DDX10: variants seen among roughly 807,000 people sequenced by gnomAD.
DDX10 encodes probable ATP-dependent RNA helicase DDX10.
DDX10 carries 74 observed loss-of-function variants against 104.3 expected under a neutral mutation model. The ratio of observed to expected loss-of-function variants is 0.71; its 90% CI spans 0.59 to 0.86. The LOEUF is 0.86. DDX10 is among the 40% of genes least tolerant of loss of function. DDX10 has a pLI of 0.00. For missense variants in DDX10, 952 were observed against 1,040.0 expected (o/e 0.92, Z 1.16); for synonymous variants, 351 against 353.4 (o/e 0.99, Z 0.08).
rs140298505 is a variant in DDX10 at position 108,727,902 on chromosome 11, C to T, written c.1965+4440C>T. 9.9e-3 allele frequency: 1,743 copies of T among 175,672 alleles called. 35 individuals are homozygous for T. The highest frequency in any genetic ancestry group is 0.039 in the African/African-American group (1,646 of 41,820). 10.9% of individuals were successfully genotyped at this position (175,672 alleles called of 1,614,324 possible). A position where few individuals can be genotyped will look rare whatever the true frequency, so the allele number is the denominator to read the frequency against. The stretch of plus-strand genomic sequence containing the variant: ...CAACTATTTCATCCTTCAACTTTAG[C>T]GTTCCTATTTGAACAACTACATTTT... On this transcript the variant is annotated intron_variant, in intron 13 of 17. Transcript: ENST00000322536.
At chr11:108,931,354 A>C (rs903512068) in intron 17 of DDX10, among the ~76,000 whole-genome samples, 1 of 152,150 alleles carries the variant, frequency 6.6e-6, no homozygotes, top group African/African-American at 2.4e-5. Flanking sequence ...CAAACATAAA[A>C]ATTGGCACCC....
chr11:108,707,207 C>T (rs2094277332), intron 10 of DDX10, among the ~76,000 whole-genome samples: 1 of 152,144 alleles, frequency 6.6e-6, no homozygotes, highest in Non-Finnish European at 1.5e-5. Flanking sequence ...TGCATACCTA[C>T]CATTTTAATA....
At chr11:108,804,347 A>T (rs1457574162) in intron 13 of DDX10, among the ~76,000 whole-genome samples, 1 of 151,976 alleles carries the variant, frequency 6.6e-6, no homozygotes, top group Non-Finnish European at 1.5e-5. Flanking sequence ...AACAATAAAA[A>T]AAATTTGCCA....
intron 13 of DDX10, among the ~76,000 whole-genome samples, chr11:108,777,256 C>T (rs2094371058): frequency 6.6e-6 from 1 of 152,080 alleles, no homozygotes; most frequent in South Asian, 2.1e-4. Flanking sequence ...AATTATCCTG[C>T]CATTACTGGA....
At chr11:108,672,583 T>C (rs1459456090) in intron 1 of DDX10, among the ~76,000 whole-genome samples, 1 of 152,226 alleles carries the variant, frequency 6.6e-6, no homozygotes, top group East Asian at 1.9e-4. Context: ...TTAAGAATCA[T>C]AGGAAAGATG....
In DDX10 at chr11:108,849,227, A is replaced by G. The variant is rs904106200; in HGVS notation, c.2248-2926A>G. On this transcript the variant is annotated intron_variant, in intron 15 of 17. Transcript: ENST00000322536. ...TTCTCTTGCTTACTTTTGTTAAGCC[A>G]GTTTTCTTTTTTGAAAAATAGGTTA... is the stretch of plus-strand genomic sequence containing the variant. 3.9e-5 allele frequency among the ~76,000 whole-genome samples: 6 copies of G among 152,130 alleles called. 1 individual carries two copies. Among genetic ancestry groups the G allele is most frequent in the Admixed American group, 2.6e-4 (4 of 15,264 alleles).
At chr11:108,782,848 G>A (rs138238241) in intron 13 of DDX10, among the ~76,000 whole-genome samples, 2 of 152,082 alleles carry the variant, frequency 1.3e-5, no homozygotes, top group Admixed American at 1.3e-4. Context: ...ACCAAATCAC[G>A]AAAGAGTAGT....
chr11:108,855,571 T>C (rs1862855931), intron 16 of DDX10, among the ~76,000 whole-genome samples: 1 of 152,202 alleles, frequency 6.6e-6, no homozygotes, highest in Non-Finnish European at 1.5e-5. Flanking sequence ...GCGATTCTCC[T>C]GCCTCAGCCT....
At chr11:108,671,886 C>G (rs566386654) in intron 1 of DDX10, among the ~76,000 whole-genome samples, 2 of 151,706 alleles carry the variant, frequency 1.3e-5, no homozygotes, top group Non-Finnish European at 2.9e-5. Flanking sequence ...GATGAAACCC[C>G]GTCTCTACTA....
intron 15 of DDX10, among the ~76,000 whole-genome samples, chr11:108,851,109 C>G (rs898526599): frequency 6.6e-6 from 1 of 151,948 alleles, no homozygotes. Context: ...TGATATATAG[C>G]TATAGTCTTA....
Position 108,684,515 on chromosome 11 carries a change from A to G in DDX10, c.849-4421A>G, listed in dbSNP as rs1430396822. Among the ~76,000 whole-genome samples the G allele has an allele frequency of 6.1e-3, 908 of 149,174 alleles. 19 individuals carry two copies. Among genetic ancestry groups the G allele is most frequent in the Admixed American group, 0.037 (559 of 14,916 alleles). ...GGTTTCCAATTTCATCCATGTCCCT[A>G]CAAAGGACATGAACTCATCAGTTTT... On this transcript the variant is annotated intron_variant, in intron 6 of 17. Coordinates refer to ENST00000322536, the MANE Select transcript of DDX10 (RefSeq NM_004398.4).
chr11:108,803,053 G>A (rs1367008308), intron 13 of DDX10, among the ~76,000 whole-genome samples: 1 of 152,186 alleles, frequency 6.6e-6, no homozygotes, highest in Non-Finnish European at 1.5e-5. Flanking sequence ...TATACTCTAC[G>A]ATTACACATA....
intron 13 of DDX10, among the ~76,000 whole-genome samples, chr11:108,821,869 G>GT (rs1341399947): frequency 2.0e-5 from 3 of 152,162 alleles, no homozygotes; most frequent in Non-Finnish European, 2.9e-5. Context: ...AAAATATAAA[G>GT]TAGACATTGC....
chr11:108,893,227 G>A (rs1863398776), intron 16 of DDX10, among the ~76,000 whole-genome samples: 1 of 152,054 alleles, frequency 6.6e-6, no homozygotes. Context: ...TTGATTTGAA[G>A]ATTATTCATA....
At chr11:108,755,308 T>C (rs545518111) in intron 13 of DDX10, among the ~76,000 whole-genome samples, 48 of 152,210 alleles carry the variant, frequency 3.2e-4, no homozygotes, top group Admixed American at 3.0e-3. Context: ...TTTTTATAGC[T>C]GCATGATTTT....
At chr11:108,729,160 A>T (rs2094308903) in intron 13 of DDX10, among the ~76,000 whole-genome samples, 1 of 152,108 alleles carries the variant, frequency 6.6e-6, no homozygotes. Flanking sequence ...CCCCCAAATG[A>T]TTACCGAGCT....
chr11:108,747,648 C>A (rs1565266282), intron 13 of DDX10, among the ~76,000 whole-genome samples: 1 of 151,992 alleles, frequency 6.6e-6, no homozygotes, highest in African/African-American at 2.4e-5. Context: ...TGGCCTAATC[C>A]CCATTGTTTT....
intron 16 of DDX10, among the ~76,000 whole-genome samples, chr11:108,876,333 A>G (rs1863153574): frequency 6.6e-6 from 1 of 152,182 alleles, no homozygotes; most frequent in Non-Finnish European, 1.5e-5. Flanking sequence ...AGAAGGTCAG[A>G]CAGCTTAAGT....
chr11:108,825,618 C>T (rs921283109), intron 13 of DDX10, among the ~76,000 whole-genome samples: 3 of 152,188 alleles, frequency 2.0e-5, no homozygotes, highest in Non-Finnish European at 4.4e-5. Context: ...CATCCATTCT[C>T]ATTCATGTTC....
Sources: allele counts gnomAD v4.1 joint callset (sites outside exome capture counted in the v4.1 genomes callset), GRCh38; gene constraint gnomAD v4.1.1; transcripts MANE v1.5; gene names NCBI Gene and HGNC (gene_info 2026-07-23, HGNC 2026-07-21).